The following NLRC3 variants were observed in gnomAD, a reference collection of about 807,000 sequenced individuals.
NLRC3 encodes the protein NLR family CARD domain containing 3, also known as NLR family CARD domain-containing protein 3.
A neutral mutation model predicts 91.6 loss-of-function variants in NLRC3; 87 were observed. That is an observed-to-expected ratio of 0.95 (90% CI 0.80 to 1.14). NLRC3 has a LOEUF of 1.14. Among genes scored for constraint, NLRC3 ranks in the 50% most tolerant of loss-of-function variants. The pLI is 0.00. For missense variants in NLRC3, 1,577 were observed against 1,418.6 expected (o/e 1.11, Z -1.79); for synonymous variants, 694 against 625.3 (o/e 1.11, Z -1.64).
chr16:3,547,756 C>T (rs1268391945), intron 15 of NLRC3, among the ~76,000 whole-genome samples: 2 of 152,080 alleles, frequency 1.3e-5, no homozygotes, highest in Non-Finnish European at 2.9e-5. Flanking sequence ...GCAACCTGTG[C>T]CTCCTGAGTT....
Position 3,564,256 on chromosome 16 carries a change from A to C in NLRC3, c.681T>G (p.Pro227=). 6.2e-7 allele frequency: 1 copy of C among 1,612,594 alleles called. No homozygotes were observed. Among genetic ancestry groups the C allele is most frequent in the South Asian group, 1.1e-5 (1 of 90,992 alleles). Reference sequence around the variant, plus strand: ...AGGCCACGGTGTTGGAGAAGTCCAGAGGCGTCCTGCACTCATCCAAGCCGT... The same window carrying C: ...AGGCCACGGTGTTGGAGAAGTCCAGCGGCGTCCTGCACTCATCCAAGCCGT... The part of the protein sequence containing the change: ...ILDGLDECRT[P]LDFSNTVACT... Residue 227 remains proline, a synonymous_variant, in exon 5 of 20, where the codon CCT becomes CCG. Coordinates refer to ENST00000359128, the MANE Select transcript of NLRC3 (RefSeq NM_178844.4). This position sits in a 1 kb window ranked among gnomAD's most constrained non-coding sequence, Gnocchi z 5.9.
rs267604538 is a variant in NLRC3, at chr16:3,563,718, C to T, written c.1219G>A (p.Gly407Arg). The change falls in exon 5 of 20, where the codon GGG becomes AGG. Residue 407 changes from glycine to arginine, a missense_variant. Transcript: ENST00000359128. Reference sequence around the variant, plus strand: ...AACACGTATTTCTTCTTGAGCAGCCCATGGAAGGCCAGACGGCCCAATGTC... The same window carrying T: ...AACACGTATTTCTTCTTGAGCAGCCTATGGAAGGCCAGACGGCCCAATGTC... ...VGTLGRLAFHGLLKKKYVFYE... is the reference protein window; with the variant it reads ...VGTLGRLAFHRLLKKKYVFYE... The T allele has an allele frequency of 6.2e-7, 1 of 1,613,580 alleles. No homozygotes were observed.
chr16:3,577,317 C>T lies in NLRC3; in HGVS notation c.-337G>A. ...CCAGGGATCAGGGCACTTACCACGC[C>T]AACCAACCAACCGTGTGGGGGCCGA... On this transcript the variant is annotated 5_prime_UTR_variant, in exon 1 of 20. Coordinates refer to ENST00000359128, the MANE Select transcript of NLRC3 (RefSeq NM_178844.4). The T allele has an allele frequency of 1.5e-6, 1 of 649,326 alleles. No homozygotes were observed. Among genetic ancestry groups the T allele is most frequent in the South Asian group, 1.7e-5 (1 of 58,698 alleles). The allele number at this position is 649,326 out of a possible 1,614,324, so 40.2% of individuals were successfully genotyped here.
At position 3,542,221 on chromosome 16, in the gene NLRC3, A is replaced by G. The variant is rs1483115743; in HGVS notation, c.3077T>C (p.Leu1026Pro). Reference protein sequence around the residue: ...MDGAICIATALSGNHRLQHIN... With the variant: ...MDGAICIATAPSGNHRLQHIN... ...ATGCTGGAGCCTGTGGTTTCCAGAC[A>G]GTGCTGTGGCAATGCATATCGCCCC... Residue 1026 changes from leucine to proline, a missense_variant, in exon 19 of 20, where the codon CTG becomes CCG. Leu to Pro is a moderately conservative substitution (Grantham distance 98, BLOSUM62 -3). Coordinates refer to ENST00000359128, the MANE Select transcript of NLRC3 (RefSeq NM_178844.4). 6.3e-7 allele frequency: 1 copy of G among 1,593,456 alleles called. No homozygotes were observed. Among genetic ancestry groups the G allele is most frequent in the South Asian group, 1.1e-5 (1 of 86,970 alleles).
chr16:3,557,796 A>T (rs1420276192), intron 6 of NLRC3, 120 bp from the exon 7 acceptor site: 1 of 669,512 alleles, frequency 1.5e-6, no homozygotes, highest in Non-Finnish European at 2.7e-6. Flanking sequence ...GTCTGGACAT[A>T]GGTGGAGATG....
At chr16:3,544,221 A>C in intron 16 of NLRC3, 25 bp downstream of exon 16, 2 of 1,450,286 alleles carry the variant, frequency 1.4e-6, no homozygotes, top group South Asian at 1.1e-5. Flanking sequence ...CGGTTTCCTG[A>C]CTGCTGCGCA....
chr16:3,556,838 T>C (rs775780398), intron 8 of NLRC3, 73 bp downstream of exon 8: 4 of 1,001,870 alleles, frequency 4.0e-6, no homozygotes, highest in Non-Finnish European at 6.3e-6. Context: ...CCCATTCTCA[T>C]AGGTGGTGCC....
Position 3,548,740 on chromosome 16 carries a change from G to A in NLRC3, c.2617C>T (p.Leu873Phe). 1 of 1,603,454 alleles carries A rather than the reference G, an allele frequency of 6.2e-7. No individual in the cohort carries two copies. Among genetic ancestry groups the A allele is most frequent in the Non-Finnish European group, 8.5e-7 (1 of 1,175,282 alleles). The part of the protein sequence containing the change: ...TLKNLDLTAN[L>F]LHDQGARAIA... ...GCCCGGGCACCCTGGTCGTGGAGGA[G>A]GTTGGCTGTCAGGCTAGGAGGAAGG... Residue 873 changes from leucine (L) to phenylalanine (F), a missense_variant, in exon 14 of 20, where the codon CTC becomes TTC. Coordinates refer to ENST00000359128, the MANE Select transcript of NLRC3 (RefSeq NM_178844.4).
At position 3,548,707 on chromosome 16, in the gene NLRC3, C is replaced by T. The variant is rs1410831623; in HGVS notation, c.2650G>A (p.Val884Met). The change falls in exon 14 of 20, where the codon GTG (valine) becomes ATG (methionine). Residue 884 changes from valine (V) to methionine (M), a missense_variant. Transcript: ENST00000359128. ...AGGGTGCGGTTTTCTCTCACTGCCA[C>T]TGCGATGGCCCGGGCACCCTGGTCG... ...LHDQGARAIAVAVRENRTLTS... is the reference protein window; with the variant it reads ...LHDQGARAIAMAVRENRTLTS... 1 of 1,602,582 alleles carries T rather than the reference C, an allele frequency of 6.2e-7. No individual in the cohort carries two copies. Among genetic ancestry groups the T allele is most frequent in the African/African-American group, 1.3e-5 (1 of 74,912 alleles).
At chr16:3,570,803 C>G (rs537403662) in intron 1 of NLRC3, among the ~76,000 whole-genome samples, 1 of 152,188 alleles carries the variant, frequency 6.6e-6, no homozygotes, top group South Asian at 2.1e-4. Flanking sequence ...AGCCAGTCAC[C>G]GTTGTTGTAA....
rs568716725 is a variant in NLRC3 at position 3,545,550 on chromosome 16, T to A, written c.2772-1221A>T. ...AAGAAAGACAACATTTGAGTGTGTC[T>A]CATGTGCTAGGTGTTGTATAAGGCA... On this transcript the variant is annotated intron_variant, in intron 15 of 19. Coordinates refer to ENST00000359128, the MANE Select transcript of NLRC3 (RefSeq NM_178844.4). The A allele has an allele frequency of 2.0e-5, 3 of 151,844 alleles. No individual in the cohort carries two copies. The South Asian group carries it at 6.3e-4, about 32-fold the overall frequency. The allele number at this position is 151,844 out of a possible 1,614,324, so 9.4% of individuals were successfully genotyped here. A position where few individuals can be genotyped will look rare whatever the true frequency, so the allele number is the denominator to read the frequency against.
At chr16:3,551,671 C>T (rs139679177) in intron 10 of NLRC3, among the ~76,000 whole-genome samples, 1 of 151,746 alleles carries the variant, frequency 6.6e-6, no homozygotes, top group African/African-American at 2.4e-5. Context: ...GTCCATCTAT[C>T]CATCCATCCT....
At position 3,563,930 on chromosome 16, in the gene NLRC3, C is replaced by T. The variant is rs1473454838; in HGVS notation, c.1007G>A (p.Gly336Glu). The change falls in exon 5 of 20, where the codon GGG (glycine) becomes GAG (glutamate). Residue 336 changes from glycine to glutamate, a missense_variant. Physicochemically the swap from Gly to Glu is moderately conservative, Grantham distance 98. Coordinates refer to ENST00000359128, the MANE Select transcript of NLRC3 (RefSeq NM_178844.4). The part of the protein sequence containing the change: ...CTVPAFCRLT[G>E]MALGHLWRSR... ...GCGCCACAGGTGGCCTAGCGCCATC[C>T]CCGTGAGCCTGCAGAAGGCTGGGAC... 2 of 1,592,694 alleles carry T rather than the reference C, an allele frequency of 1.3e-6. No homozygotes were observed. Among genetic ancestry groups the T allele is most frequent in the Admixed American group, 3.4e-5 (2 of 58,162 alleles).
Position 3,554,252 on chromosome 16 carries a change from A to G in NLRC3, c.2257T>C (p.Ser753Pro). The change falls in exon 9 of 20, where the codon TCC (serine) becomes CCC (proline). Residue 753 changes from serine (S) to proline (P), a missense_variant. Coordinates refer to ENST00000359128, the MANE Select transcript of NLRC3 (RefSeq NM_178844.4). ...AEALASNRTLSMLHLQKNSIG... is the reference protein window; with the variant it reads ...AEALASNRTLPMLHLQKNSIG... ...GATGTGTTCACTCACTGCAGCATGG[A>G]GAGGGTCCGGTTGGAGGCCAAGGCC... The G allele has an allele frequency of 6.2e-7, 1 of 1,612,098 alleles. No individual in the cohort carries two copies. Among genetic ancestry groups the G allele is most frequent in the Non-Finnish European group, 8.5e-7 (1 of 1,178,168 alleles).
chr16:3,569,397 A>ATATATTT (rs2040013749), intron 1 of NLRC3, among the ~76,000 whole-genome samples: 2 of 41,044 alleles, frequency 4.9e-5, no homozygotes, highest in African/African-American at 2.5e-4. Flanking sequence ...TATATATATT[A>ATATATTT]TTTTTTTTTT....
intron 8 of NLRC3, 43 bp downstream of exon 8, chr16:3,556,868 G>A (rs1266965967): frequency 7.3e-7 from 1 of 1,377,662 alleles, no homozygotes; most frequent in Non-Finnish European, 1.0e-6. Context: ...GGTTTTCTGG[G>A]CCCTCTCTTG....
At chr16:3,576,788 G>A (rs113453390) in intron 1 of NLRC3, among the ~76,000 whole-genome samples, 1 of 152,162 alleles carries the variant, frequency 6.6e-6, no homozygotes, top group East Asian at 1.9e-4. Context: ...TCAGCCTCCC[G>A]ACTAGCTGGG....
intron 1 of NLRC3, among the ~76,000 whole-genome samples, chr16:3,569,744 G>C (rs540662176): frequency 6.6e-6 from 1 of 152,000 alleles, no homozygotes; most frequent in Non-Finnish European, 1.5e-5. Flanking sequence ...CATTGGCCAG[G>C]CCTACCCCTT....
intron 8 of NLRC3, 54 bp from the exon 9 acceptor site, chr16:3,554,379 G>T: frequency 7.2e-7 from 1 of 1,386,344 alleles, no homozygotes; most frequent in South Asian, 1.2e-5. Flanking sequence ...GGAACCCAGG[G>T]GTCTGAACTC....
Sources: gnomAD v4.1 joint callset for allele counts (sites outside exome capture counted in the v4.1 genomes callset) on GRCh38, gnomAD v4.1.1 for gene constraint, Gnocchi (gnomAD v3.1) non-coding constraint, MANE v1.5 for transcripts, NCBI Gene and HGNC (gene_info 2026-07-23, HGNC 2026-07-21) for gene names.